The following PUM1 variants were observed in gnomAD, a reference collection of about 807,000 sequenced individuals.
The protein encoded by PUM1 is pumilio RNA binding family member 1.
A neutral mutation model predicts 131.8 loss-of-function variants in PUM1; 13 were observed. The observed-to-expected ratio is 0.10, with a 90% CI of 0.06 to 0.16. PUM1 has a LOEUF of 0.16. Among genes scored for constraint, PUM1 ranks in the 10% least tolerant of loss-of-function variants. PUM1 has a pLI of 1.00. For synonymous variants in PUM1, 509 were observed against 556.5 expected (o/e 0.91, Z 1.20); for missense variants, 961 against 1,512.4 (o/e 0.64, Z 6.05).
rs1307126905 is a variant in PUM1, at chr1:31,032,707, T to TAA, written c.364-3845_364-3844dup. 4.6e-5 allele frequency among the ~76,000 whole-genome samples: 7 copies of TAA among 152,312 alleles called. No homozygotes were observed. The East Asian group carries it at 1.2e-3, about 25-fold the overall frequency. ...CTGTAGTCCCAGCTACTCATGAGGCTAAAGCAGGAGGACTGCTTGAGCCTC... is the reference window on the plus strand; with the variant it reads ...CTGTAGTCCCAGCTACTCATGAGGCTAAAAAGCAGGAGGACTGCTTGAGCCTC... On this transcript the variant is annotated intron_variant, in intron 2 of 21. Transcript: ENST00000426105.
chr1:31,064,026 GTACTT>G (rs372183138), intron 1 of PUM1, among the ~76,000 whole-genome samples: 1 of 152,080 alleles, frequency 6.6e-6, no homozygotes, highest in African/African-American at 2.4e-5. Context: ...CACCTTATAA[GTACTT>G]TAAGCAACTA....
In PUM1 at chr1:31,052,797, G is replaced by A. The variant is rs115013376; in HGVS notation, c.363+6407C>T. 4.2e-3 allele frequency among the ~76,000 whole-genome samples: 623 copies of A among 148,706 alleles called. 3 individuals are homozygous for A. The highest frequency in any genetic ancestry group is 0.015 in the African/African-American group (601 of 40,266). ...CACTGCAACCTCTGCCCTGCTTCCC[G>A]GGTTAGAGCAATTCTCATGCCTCAG... On this transcript the variant is annotated intron_variant, in intron 2 of 21. Coordinates refer to ENST00000426105, the MANE Select transcript of PUM1 (RefSeq NM_001020658.2).
intron 5 of PUM1, among the ~76,000 whole-genome samples, chr1:31,001,230 T>G (rs1250241675): frequency 1.3e-5 from 2 of 151,998 alleles, no homozygotes; most frequent in African/African-American, 2.4e-5. Context: ...CTGGGTGTGG[T>G]GGCACATGCA....
intron 14 of PUM1, among the ~76,000 whole-genome samples, chr1:30,954,474 G>A (rs1021106167): frequency 6.6e-6 from 1 of 152,148 alleles, no homozygotes; most frequent in African/African-American, 2.4e-5. Flanking sequence ...GGGATCCCAT[G>A]AAAAAGCTGT....
At chr1:31,011,647 T>C (rs1182335923) in intron 3 of PUM1, among the ~76,000 whole-genome samples, 1 of 152,176 alleles carries the variant, frequency 6.6e-6, no homozygotes, top group African/African-American at 2.4e-5. Flanking sequence ...GGGTAAAATA[T>C]CCTAGTTTGC....
intron 10 of PUM1, among the ~76,000 whole-genome samples, chr1:30,971,553 A>C (rs369554612): frequency 6.6e-6 from 1 of 152,208 alleles, no homozygotes; most frequent in South Asian, 2.1e-4. Context: ...GAAGAAACAC[A>C]AGATCTCAGA....
At chr1:31,012,423 C>T (rs988229004) in intron 3 of PUM1, among the ~76,000 whole-genome samples, 1 of 151,826 alleles carries the variant, frequency 6.6e-6, no homozygotes, top group East Asian at 1.9e-4. Context: ...TGTAATGAAA[C>T]ATTAAGTGGA....
intron 2 of PUM1, among the ~76,000 whole-genome samples, chr1:31,033,387 T>TTC (rs1278281387): frequency 3.0e-5 from 2 of 66,866 alleles, no homozygotes; most frequent in East Asian, 2.2e-4. Flanking sequence ...TTTTTTTTTT[T>TTC]TTTTTTTTTT....
At chr1:31,046,067 G>C (rs193220908) in intron 2 of PUM1, among the ~76,000 whole-genome samples, 3 of 141,326 alleles carry the variant, frequency 2.1e-5, no homozygotes, top group African/African-American at 8.0e-5. Flanking sequence ...GGGCAACAGC[G>C]TAAGACTCTG....
In PUM1 at chr1:30,942,073, G is replaced by C. The variant is rs1374055718; in HGVS notation, c.3045C>G (p.Ile1015Met). 1.3e-6 allele frequency: 2 copies of C among 1,596,922 alleles called. No individual in the cohort carries two copies. Among genetic ancestry groups the C allele is most frequent in the African/African-American group, 1.4e-5 (1 of 73,980 alleles). Reference sequence around the variant, plus strand: ...TCTGGTCAGGGAGACAGTGCTCCAGGATTCTCTGAATCACTCGGCAGCCAT... The same window carrying C: ...TCTGGTCAGGGAGACAGTGCTCCAGCATTCTCTGAATCACTCGGCAGCCAT... Reference protein sequence around the residue: ...HPYGCRVIQRILEHCLPDQTL... With the variant: ...HPYGCRVIQRMLEHCLPDQTL... The change falls in exon 19 of 22, where the codon ATC becomes ATG. Residue 1015 changes from isoleucine to methionine, a missense_variant. This residue lies in a region of PUM1 where 178 missense variants were observed against 327.5 expected (regional missense o/e 0.54). Coordinates refer to ENST00000426105, the MANE Select transcript of PUM1 (RefSeq NM_001020658.2).
chr1:30,969,316 C>CAAAAAA (rs763999971), intron 10 of PUM1, among the ~76,000 whole-genome samples: 42 of 50,936 alleles, frequency 8.2e-4, no homozygotes, highest in Admixed American at 1.3e-3. Flanking sequence ...AACACACACA[C>CAAAAAA]AAAAAAAAAA....
At chr1:31,038,984 A>ATATATAT in intron 2 of PUM1, among the ~76,000 whole-genome samples, 11 of 49,418 alleles carry the variant, frequency 2.2e-4, no homozygotes, top group African/African-American at 6.2e-4. Context: ...ATATATATAT[A>ATATATAT]TTTTTTTTTT....
At chr1:30,933,737 C>T (rs1639077163) in intron 21 of PUM1, among the ~76,000 whole-genome samples, 1 of 152,216 alleles carries the variant, frequency 6.6e-6, no homozygotes, top group Non-Finnish European at 1.5e-5. Context: ...GCCCCTCTGG[C>T]CCCATGCACG....
At chr1:31,011,328 C>G (rs1480193738) in intron 3 of PUM1, among the ~76,000 whole-genome samples, 1 of 152,146 alleles carries the variant, frequency 6.6e-6, no homozygotes, top group Non-Finnish European at 1.5e-5. Flanking sequence ...TCAAGAAACA[C>G]TTCTTGTTCC....
chr1:31,001,368 T>C (rs1265350916), intron 5 of PUM1, among the ~76,000 whole-genome samples: 4 of 133,186 alleles, frequency 3.0e-5, no homozygotes, highest in Admixed American at 2.1e-4. Context: ...AAAGAGATTG[T>C]CTCAAAAAAA....
chr1:30,948,948 C>G (rs1391938686), intron 17 of PUM1, among the ~76,000 whole-genome samples: 4 of 152,160 alleles, frequency 2.6e-5, no homozygotes, highest in Non-Finnish European at 5.9e-5. Context: ...GAACTCCAGA[C>G]CTGCTCTATC....
At chr1:30,988,631 A>T (rs1161008380) in intron 7 of PUM1, among the ~76,000 whole-genome samples, 5 of 152,220 alleles carry the variant, frequency 3.3e-5, no homozygotes, top group Admixed American at 6.5e-5. Context: ...CCTCACAATC[A>T]TCAGTACTGT....
rs533122501 is a variant in PUM1 at position 31,058,640 on chromosome 1, C to A, written c.363+564G>T. Reference sequence around the variant, plus strand: ...TCGCGCCAGTGCACTCCAGCCTGGGCAAAAGAGTGAGACTCCGTCTTAAAA... The same window carrying A: ...TCGCGCCAGTGCACTCCAGCCTGGGAAAAAGAGTGAGACTCCGTCTTAAAA... On this transcript the variant is annotated intron_variant, in intron 2 of 21. Coordinates refer to ENST00000426105, the MANE Select transcript of PUM1 (RefSeq NM_001020658.2). Among the ~76,000 whole-genome samples, 733 of 122,866 alleles carry A rather than the reference C, an allele frequency of 6.0e-3. 8 individuals are homozygous for A. Among genetic ancestry groups the A allele is most frequent in the Middle Eastern group, 0.03 (4 of 132 alleles). The allele number at this position is 122,866 out of a possible 152,430, so 80.6% of individuals were successfully genotyped here.
At chr1:31,006,130 C>T in intron 4 of PUM1, 99 bp from the exon 5 acceptor site, 1 of 1,140,532 alleles carries the variant, frequency 8.8e-7, no homozygotes, top group Non-Finnish European at 1.2e-6. Flanking sequence ...GGAAACTTGC[C>T]ATGGTCAGTT....
Sources: allele counts gnomAD v4.1 joint callset (sites outside exome capture counted in the v4.1 genomes callset), GRCh38; gene constraint gnomAD v4.1.1; regional missense constraint gnomAD v4.1.1; transcripts MANE v1.5; gene names NCBI Gene and HGNC (gene_info 2026-07-23, HGNC 2026-07-21).